TGM6: variants seen among roughly 807,000 people sequenced by gnomAD.
TGM6 encodes protein-glutamine gamma-glutamyltransferase 6.
In TGM6, 74 loss-of-function variants were observed where a neutral mutation model predicts 77.5. The ratio of observed to expected loss-of-function variants is 0.96; its 90% CI spans 0.79 to 1.16. The LOEUF is 1.16. Among genes scored for constraint, TGM6 ranks in the 50% most tolerant of loss-of-function variants. The probability of loss-of-function intolerance (pLI) is 0.00; values close to 1 mark genes in which losing one functional copy is unlikely to be tolerated. For missense variants in TGM6, 968 were observed against 940.2 expected (o/e 1.03, Z -0.39); for synonymous variants, 383 against 378.9 (o/e 1.01, Z -0.12).
At position 2,395,332 on chromosome 20, in the gene TGM6, C is replaced by T; in HGVS notation, c.320C>T (p.Ala107Val). 1 of 1,614,254 alleles carries T rather than the reference C, an allele frequency of 6.2e-7. No individual in the cohort carries two copies. Among genetic ancestry groups the T allele is most frequent in the Non-Finnish European group, 8.5e-7 (1 of 1,180,036 alleles). Reference protein sequence around the residue: ...LTVSLASPPSAVIGRYLLSIR... With the variant: ...LTVSLASPPSVVIGRYLLSIR... Reference sequence around the variant, plus strand: ...GTCAGTCTCGCCAGCCCTCCCAGTGCTGTCATTGGCCGCTACCTGCTGAGC... The same window carrying T: ...GTCAGTCTCGCCAGCCCTCCCAGTGTTGTCATTGGCCGCTACCTGCTGAGC... Residue 107 changes from alanine to valine, a missense_variant, in exon 3 of 13, where the codon GCT becomes GTT. Coordinates refer to ENST00000202625, the MANE Select transcript of TGM6 (RefSeq NM_198994.3).
intron 9 of TGM6, among the ~76,000 whole-genome samples, chr20:2,406,858 A>AAAAC: frequency 6.8e-6 from 1 of 147,322 alleles, no homozygotes; most frequent in Non-Finnish European, 1.5e-5. Flanking sequence ...AAAAAAAAAA[A>AAAAC]AAAAAAAACC....
intron 9 of TGM6, among the ~76,000 whole-genome samples, chr20:2,405,238 C>T (rs2084741635): frequency 2.0e-5 from 3 of 152,202 alleles, no homozygotes. Flanking sequence ...TTCTAGAGGC[C>T]TGGCTCAGAA....
intron 12 of TGM6, among the ~76,000 whole-genome samples, chr20:2,431,853 G>T (rs115298742): frequency 2.0e-5 from 3 of 152,288 alleles, no homozygotes; most frequent in Admixed American, 6.5e-5. Context: ...GTCAGGGAAG[G>T]TCTCCTGGAA....
At chr20:2,406,746 A>C (rs1258483470) in intron 9 of TGM6, among the ~76,000 whole-genome samples, 1 of 143,258 alleles carries the variant, frequency 7.0e-6, no homozygotes. Flanking sequence ...GAGGCAGGAG[A>C]ATTGCTTGAA....
chr20:2,405,089 T>G (rs939226927), intron 9 of TGM6, among the ~76,000 whole-genome samples: 1 of 152,254 alleles, frequency 6.6e-6, no homozygotes, highest in Non-Finnish European at 1.5e-5. Flanking sequence ...GGCTGGGATC[T>G]CACATATGTC....
chr20:2,408,797 A>G (rs1047423717), intron 9 of TGM6, among the ~76,000 whole-genome samples: 12 of 152,236 alleles, frequency 7.9e-5, no homozygotes, highest in Non-Finnish European at 2.9e-5. Context: ...CAAAATGCGT[A>G]TGATCTTTAT....
At chr20:2,402,082 A>T (rs760496676) in intron 7 of TGM6, among the ~76,000 whole-genome samples, 19 of 151,896 alleles carry the variant, frequency 1.3e-4, no homozygotes, top group Non-Finnish European at 2.1e-4. Context: ...TACTAAAAAT[A>T]AAAATTAAAA....
intron 5 of TGM6, among the ~76,000 whole-genome samples, chr20:2,398,308 A>G (rs1232710540): frequency 2.0e-5 from 3 of 152,148 alleles, no homozygotes; most frequent in African/African-American, 7.2e-5. Flanking sequence ...ATGACTGCAT[A>G]TGTCTGGGAT....
intron 7 of TGM6, among the ~76,000 whole-genome samples, chr20:2,401,345 C>T (rs2122369417): frequency 6.6e-6 from 1 of 152,334 alleles, no homozygotes; most frequent in Admixed American, 6.5e-5. Context: ...CCCCATCCTC[C>T]TCCTGGAGGC....
At chr20:2,400,785 T>G (rs1050549145) in intron 7 of TGM6, among the ~76,000 whole-genome samples, 3 of 152,116 alleles carry the variant, frequency 2.0e-5, no homozygotes, top group Non-Finnish European at 4.4e-5. Flanking sequence ...AGGCTCCTGC[T>G]TCCGTATCAG....
At chr20:2,423,694 A>G (rs370659273) in intron 10 of TGM6, among the ~76,000 whole-genome samples, 2 of 152,188 alleles carry the variant, frequency 1.3e-5, no homozygotes, top group Non-Finnish European at 2.9e-5. Context: ...AATATACTTA[A>G]TGGTGTCTAG....
At chr20:2,414,254 A>G (rs2084801222) in intron 9 of TGM6, among the ~76,000 whole-genome samples, 1 of 152,192 alleles carries the variant, frequency 6.6e-6, no homozygotes, top group Non-Finnish European at 1.5e-5. Context: ...ATGGCAAAGG[A>G]TGTGAATGAA....
At chr20:2,420,469 T>C (rs1046157392) in intron 10 of TGM6, among the ~76,000 whole-genome samples, 6 of 152,184 alleles carry the variant, frequency 3.9e-5, no homozygotes, top group Admixed American at 2.0e-4. Context: ...TGAGCCAATA[T>C]TGGCACAGTA....
chr20:2,431,768 A>C (rs1395517043), intron 12 of TGM6, among the ~76,000 whole-genome samples: 1 of 152,196 alleles, frequency 6.6e-6, no homozygotes, highest in Non-Finnish European at 1.5e-5. Flanking sequence ...TGATGAATTG[A>C]GATTTTCAGG....
chr20:2,401,583 T>A (rs1053475341), intron 7 of TGM6, among the ~76,000 whole-genome samples: 4 of 152,274 alleles, frequency 2.6e-5, no homozygotes, highest in Non-Finnish European at 5.9e-5. Flanking sequence ...GCACCTAGTC[T>A]GTGCCAGGTC....
At position 2,395,013 on chromosome 20, in the gene TGM6, G is replaced by A. The variant is rs1389384597; in HGVS notation, c.182-181G>A. On this transcript the variant is annotated intron_variant, in intron 2 of 12. Transcript: ENST00000202625. ...GCCTGGAAGTGGCTGGGATGTCAGG[G>A]CAGCTGAGGTGGACCCTCACTTGGC... Among the ~76,000 whole-genome samples, 3 of 152,318 alleles carry A rather than the reference G, an allele frequency of 2.0e-5. No homozygotes were observed. In the East Asian group the frequency reaches 5.8e-4, roughly 29 times the overall value.
At chr20:2,408,565 T>A (rs2084766570) in intron 9 of TGM6, among the ~76,000 whole-genome samples, 1 of 152,134 alleles carries the variant, frequency 6.6e-6, no homozygotes, top group Non-Finnish European at 1.5e-5. Flanking sequence ...AACTGCATAG[T>A]AGGTGCTCAG....
At chr20:2,383,010 T>A (rs1197165851) in intron 1 of TGM6, among the ~76,000 whole-genome samples, 1 of 152,126 alleles carries the variant, frequency 6.6e-6, no homozygotes, top group Non-Finnish European at 1.5e-5. Context: ...GCTGGGACAT[T>A]GGGTTGGAGT....
intron 4 of TGM6, among the ~76,000 whole-genome samples, chr20:2,397,364 G>A (rs2084676294): frequency 6.6e-6 from 1 of 152,190 alleles, no homozygotes; most frequent in African/African-American, 2.4e-5. Flanking sequence ...AGGCTGAGGA[G>A]TCACGCACTG....
Sources: allele counts gnomAD v4.1 joint callset (sites outside exome capture counted in the v4.1 genomes callset), GRCh38; gene constraint gnomAD v4.1.1; transcripts MANE v1.5; gene names NCBI Gene and HGNC (gene_info 2026-07-23, HGNC 2026-07-21).